ANKAR: variants seen among roughly 807,000 people sequenced by gnomAD.
ANKAR encodes ankyrin and armadillo repeat containing.
Under a neutral mutation model 146.2 loss-of-function variants are expected in ANKAR, and 136 were observed. The observed-to-expected ratio is 0.93, with a 90% CI of 0.81 to 1.07. The LOEUF (loss-of-function observed/expected upper bound fraction) is 1.07, where lower values mean the gene tolerates loss of function less well. Ranked by LOEUF, ANKAR falls within the 50% of genes least tolerant of loss-of-function variation. ANKAR has a pLI of 0.00. For synonymous variants in ANKAR, 500 were observed against 575.8 expected, an observed-to-expected ratio of 0.87 and a Z score of 1.88; for missense variants, 1,567 against 1,679.9, an observed-to-expected ratio of 0.93 and a Z score of 1.18.
rs759303029 is a variant in ANKAR, at chr2:189,727,963, C to T, written c.2743C>T (p.Leu915Phe). The change falls in exon 13 of 23, where the codon CTT (leucine) becomes TTT (phenylalanine). Residue 915 changes from leucine (L) to phenylalanine (F), a missense_variant. By Grantham distance (22) the Leu-to-Phe change is conservative. Coordinates refer to ENST00000684021, the MANE Select transcript of ANKAR (RefSeq NM_001378068.1). ...GGGAGCGATTCCTCCTCTGGTGGCT[C>T]TTTTTAAAGGGAAACAAATTAGTGT... ...MEGAIPPLVA[L>F]FKGKQISVQM... The T allele has an allele frequency of 1.9e-6, 3 of 1,613,974 alleles. No individual in the cohort carries two copies. The South Asian group carries it at 3.3e-5, about 18-fold the overall frequency.
intron 12 of ANKAR, 73 bp from the exon 13 acceptor site, chr2:189,727,783 T>C: frequency 6.7e-7 from 1 of 1,502,142 alleles, no homozygotes; most frequent in Non-Finnish European, 9.0e-7. Flanking sequence ...TATGGGAAAC[T>C]AATGATATGC....
intron 15 of ANKAR, among the ~76,000 whole-genome samples, chr2:189,729,189 A>C (rs1316591041): frequency 6.6e-6 from 1 of 152,226 alleles, no homozygotes; most frequent in Non-Finnish European, 1.5e-5. Context: ...GCTGGAGCAC[A>C]TTCTTGAATG....
Position 189,741,416 on chromosome 2 carries a change from C to G in ANKAR, c.3775C>G (p.Arg1259Gly). 13 of 1,611,196 alleles carry G rather than the reference C, an allele frequency of 8.1e-6. No individual in the cohort carries two copies. Among genetic ancestry groups the G allele is most frequent in the Non-Finnish European group, 1.0e-5 (12 of 1,178,464 alleles). Residue 1259 changes from arginine to glycine, a missense_variant, in exon 20 of 23, where the codon CGG (arginine) becomes GGG (glycine). Coordinates refer to ENST00000684021, the MANE Select transcript of ANKAR (RefSeq NM_001378068.1). The part of the protein sequence containing the change: ...EAFTTLGTIQ[R>G]LCYHLYSGIE... Reference sequence around the variant, plus strand: ...ATTTACCACATTAGGAACAATCCAACGGCTCTGCTATCATTTGTACTCGGG... The same window carrying G: ...ATTTACCACATTAGGAACAATCCAAGGGCTCTGCTATCATTTGTACTCGGG...
chr2:189,760,223 C>T (rs1015672391), intron 18 of ANKAR, among the ~76,000 whole-genome samples: 1 of 152,194 alleles, frequency 6.6e-6, no homozygotes, highest in Non-Finnish European at 1.5e-5. Flanking sequence ...CTTTTCTATT[C>T]GACAAAACCG....
At chr2:189,739,367 C>T (rs966738780) in intron 19 of ANKAR, among the ~76,000 whole-genome samples, 4 of 151,558 alleles carry the variant, frequency 2.6e-5, no homozygotes, top group African/African-American at 9.7e-5. Context: ...TTACTTGATG[C>T]CATAGAATTA....
intron 2 of ANKAR, among the ~76,000 whole-genome samples, chr2:189,681,988 T>C (rs2105752070): frequency 6.6e-6 from 1 of 152,352 alleles, no homozygotes; most frequent in South Asian, 2.1e-4. Context: ...GACTGCTCTC[T>C]GCCTCAAACC....
downstream of ANKAR, among the ~76,000 whole-genome samples, chr2:189,762,188 T>C (rs1342991476): frequency 6.6e-6 from 1 of 152,222 alleles, no homozygotes; most frequent in African/African-American, 2.4e-5. Context: ...ATTGCAATCT[T>C]TGGAATTAAA....
chr2:189,704,577 ATATATATATATATATATAT>A (rs2038616499), intron 7 of ANKAR, among the ~76,000 whole-genome samples: 1 of 118,834 alleles, frequency 8.4e-6, no homozygotes, highest in Non-Finnish European at 1.8e-5. Flanking sequence ...ATATATATAT[ATATATATATATATATATAT>A]AATTTTAATT....
Position 189,755,131 on chromosome 2 carries a change from A to G in ANKAR, c.*585-5967A>G. The G allele has an allele frequency of 1.9e-6, 3 of 1,581,482 alleles. No homozygotes were observed. The South Asian group carries it at 3.6e-5, about 19-fold the overall frequency. ...ATCTATTGCTACTTAGTTGAAATGG[A>G]CAACATAACAAAAAAGAATGGAGAA... On this transcript the variant is annotated intron_variant and NMD_transcript_variant, in intron 18 of 18. Transcript: ENST00000441800.
At chr2:189,710,794 C>T (rs929163678) in intron 9 of ANKAR, among the ~76,000 whole-genome samples, 1 of 151,998 alleles carries the variant, frequency 6.6e-6, no homozygotes, top group Non-Finnish European at 1.5e-5. Context: ...AGACTGAGAC[C>T]CCATTTCAAA....
intron 17 of ANKAR, 66 bp downstream of exon 17, chr2:189,733,295 T>C (rs1204181934): frequency 7.5e-7 from 1 of 1,328,876 alleles, no homozygotes; most frequent in African/African-American, 1.5e-5. Context: ...CATCTTCAAA[T>C]TATCAAGTCT....
rs778148665 is a variant in ANKAR, at chr2:189,711,194, G to C, written c.2224+41G>C. ...TTAATAACTTTTTATGCTATTTTAT[G>C]TAGAGCTATATTTTATTCATCAGTC... On this transcript the variant is annotated intron_variant, in intron 10 of 22. Coordinates refer to ENST00000684021, the MANE Select transcript of ANKAR (RefSeq NM_001378068.1). 11 of 1,430,040 alleles carry C rather than the reference G, an allele frequency of 7.7e-6. 1 individual carries two copies. The highest frequency in any genetic ancestry group is 1.1e-5 in the Non-Finnish European group (11 of 1,028,188). 88.6% of individuals were successfully genotyped at this position (1,430,040 alleles called of 1,614,324 possible). A position where few individuals can be genotyped will look rare whatever the true frequency, so the allele number is the denominator to read the frequency against.
downstream of ANKAR, chr2:189,746,697 T>C: frequency 1.4e-6 from 2 of 1,407,196 alleles, no homozygotes; most frequent in South Asian, 3.1e-5. Flanking sequence ...ATAATGGTAA[T>C]ATGCAAATAA....
chr2:189,744,990 T>TCTACTACTACTACTACTACTA lies in ANKAR; in HGVS notation c.4057+221_4057+241dup, dbSNP rs543460540. ...CTAGCCAATATGGTGAAACCCCATCTCTACTACTACTACTACTACTACTAC... is the reference window on the plus strand; with the variant it reads ...CTAGCCAATATGGTGAAACCCCATCTCTACTACTACTACTACTACTACTACTACTACTACTACTACTACTAC... On this transcript the variant is annotated intron_variant, in intron 22 of 22. Transcript: ENST00000684021. 4.4e-3 allele frequency among the ~76,000 whole-genome samples: 498 copies of TCTACTACTACTACTACTACTA among 112,408 alleles called. 4 individuals are homozygous for TCTACTACTACTACTACTACTA. The highest frequency in any genetic ancestry group is 6.3e-3 in the Non-Finnish European group (367 of 58,184). 73.7% of individuals were successfully genotyped at this position (112,408 alleles called of 152,430 possible). A position where few individuals can be genotyped will look rare whatever the true frequency, so the allele number is the denominator to read the frequency against.
intron 3 of ANKAR, among the ~76,000 whole-genome samples, 178 bp downstream of exon 3, chr2:189,690,142 C>T (rs1416159491): frequency 6.6e-6 from 1 of 151,952 alleles, no homozygotes; most frequent in East Asian, 1.9e-4. Context: ...GTATATAGTA[C>T]TTTGTATATA....
In ANKAR at chr2:189,689,521, A is replaced by T; in HGVS notation, c.602-6A>T. 1.3e-6 allele frequency: 2 copies of T among 1,543,012 alleles called. No homozygotes were observed. The highest frequency in any genetic ancestry group is 1.7e-6 in the Non-Finnish European group (2 of 1,150,378). ...CTATCTAAAATTTTCCTTTTTTATC[A>T]TGAAGGTTTGACTGATATTACAAAG... On this transcript the variant is annotated splice_polypyrimidine_tract_variant and splice_region_variant and intron_variant, in intron 2 of 22. Coordinates refer to ENST00000684021, the MANE Select transcript of ANKAR (RefSeq NM_001378068.1).
intron 18 of ANKAR, chr2:189,755,593 T>C: frequency 1.3e-6 from 2 of 1,567,684 alleles, no homozygotes; most frequent in Middle Eastern, 1.7e-4. Context: ...TTTGTAGTTT[T>C]AAGATTGTAA....
At chr2:189,708,776 T>C (rs1328171958) in intron 9 of ANKAR, among the ~76,000 whole-genome samples, 2 of 152,192 alleles carry the variant, frequency 1.3e-5, no homozygotes, top group African/African-American at 4.8e-5. Context: ...CAGGGTTCAG[T>C]ACTATCCTCC....
chr2:189,722,552 A>T (rs2041407449), intron 12 of ANKAR, among the ~76,000 whole-genome samples: 1 of 152,076 alleles, frequency 6.6e-6, no homozygotes, highest in Non-Finnish European at 1.5e-5. Flanking sequence ...AATTGTAGCA[A>T]CAATTTGAAT....
Sources: gnomAD v4.1 joint callset for allele counts (sites outside exome capture counted in the v4.1 genomes callset) on GRCh38, gnomAD v4.1.1 for gene constraint, MANE v1.5 for transcripts, NCBI Gene and HGNC (gene_info 2026-07-23, HGNC 2026-07-21) for gene names.